Variants in CRACD observed in about 807,000 individuals in gnomAD.
The protein encoded by CRACD is capping protein-inhibiting regulator of actin dynamics.
In CRACD, 56 loss-of-function variants were observed where a neutral mutation model predicts 106.8. The ratio of observed to expected loss-of-function variants is 0.52; its 90% CI spans 0.42 to 0.66. The LOEUF (loss-of-function observed/expected upper bound fraction) is 0.66. Ranked by LOEUF, CRACD falls within the 30% of genes least tolerant of loss-of-function variation. The probability of loss-of-function intolerance (pLI) is 0.00; values close to 1 mark genes in which losing one functional copy is unlikely to be tolerated. For missense variants in CRACD, 1,730 were observed against 1,623.2 expected, an observed-to-expected ratio of 1.07 and a Z score of -1.13; for synonymous variants, 754 against 670.8, an observed-to-expected ratio of 1.12 and a Z score of -1.92.
Position 56,176,647 on chromosome 4 carries a change from G to A in CRACD, c.-335-2637G>A, listed in dbSNP as rs1285642851. 2.6e-5 allele frequency among the ~76,000 whole-genome samples: 4 copies of A among 152,026 alleles called. No individual in the cohort carries two copies. In the East Asian group the frequency reaches 7.7e-4, roughly 29 times the overall value. On this transcript the variant is annotated intron_variant, in intron 1 of 10. Coordinates refer to ENST00000682029, the MANE Select transcript of CRACD (RefSeq NM_001393381.1). ...AGATGGGGTTTCACTGTGTTAGCCA[G>A]GATGGTCTCGATCTCCTGACCTTGT...
At position 56,089,428 on chromosome 4, in the gene CRACD, G is replaced by C. The variant is rs149893954; in HGVS notation, c.-336+40129G>C. Among the ~76,000 whole-genome samples, 140 of 152,202 alleles carry C rather than the reference G, an allele frequency of 9.2e-4. 2 individuals carry two copies. The highest frequency in any genetic ancestry group is 3.2e-3 in the African/African-American group (134 of 41,536). On this transcript the variant is annotated intron_variant, in intron 1 of 10. Coordinates refer to ENST00000682029, the MANE Select transcript of CRACD (RefSeq NM_001393381.1). The stretch of plus-strand genomic sequence containing the variant: ...GTCTACTGTTAAGTTGCCGCCTACG[G>C]CATTGCTTCCTGTGGGGAACCTAGC...
chr4:56,295,397 C>G (rs1487395636), intron 3 of CRACD, among the ~76,000 whole-genome samples: 1 of 151,966 alleles, frequency 6.6e-6, no homozygotes, highest in Non-Finnish European at 1.5e-5. Context: ...ATTACTACTA[C>G]TGCTATTATT....
chr4:56,275,528 G>A (rs1742627298), intron 3 of CRACD, among the ~76,000 whole-genome samples: 1 of 152,152 alleles, frequency 6.6e-6, no homozygotes, highest in South Asian at 2.1e-4. Context: ...ATTGACAATT[G>A]CAAAGTAATT....
At chr4:56,228,762 G>A (rs935828120) in intron 2 of CRACD, among the ~76,000 whole-genome samples, 28 of 152,142 alleles carry the variant, frequency 1.8e-4, no homozygotes, top group Non-Finnish European at 2.9e-4. Flanking sequence ...AGGTTGTGGA[G>A]TTTTATCAAG....
chr4:56,315,697 GC>G lies in CRACD; in HGVS notation c.2196del (p.Thr733ArgfsTer96). ...MPAWQKFSDG[G>X]TETSKQSTEA... The stretch of plus-strand genomic sequence containing the variant: ...GCCTGGCAGAAATTTTCCGATGGTG[GC>G]ACGGAGACCTCCAAACAGAGCACGG... On this transcript the variant is annotated frameshift_variant, in exon 8 of 11. Transcript: ENST00000682029. LOFTEE classifies it high-confidence loss of function. The surrounding 1 kb of genome is among the most constrained non-coding windows in gnomAD (Gnocchi z 4.1). 6.2e-7 allele frequency: 1 copy of G among 1,614,186 alleles called. No homozygotes were observed. Among genetic ancestry groups the G allele is most frequent in the South Asian group, 1.1e-5 (1 of 91,082 alleles).
At chr4:56,062,320 T>A (rs1207293463) in intron 1 of CRACD, among the ~76,000 whole-genome samples, 1 of 152,238 alleles carries the variant, frequency 6.6e-6, no homozygotes. Flanking sequence ...ATGATTTTTT[T>A]AAGAAGAATC....
intron 1 of CRACD, among the ~76,000 whole-genome samples, chr4:56,083,812 C>A (rs1293354903): frequency 1.3e-5 from 2 of 151,842 alleles, no homozygotes; most frequent in Non-Finnish European, 2.9e-5. Flanking sequence ...CCCATCTCTA[C>A]AAAAAACAGA....
At chr4:56,255,853 T>C (rs149470791) in intron 2 of CRACD, among the ~76,000 whole-genome samples, 1 of 152,360 alleles carries the variant, frequency 6.6e-6, no homozygotes, top group Non-Finnish European at 1.5e-5. Context: ...TTGGCCCATT[T>C]ACCTTGTAAC....
At chr4:56,086,750 G>A (rs996693365) in intron 1 of CRACD, among the ~76,000 whole-genome samples, 2 of 152,120 alleles carry the variant, frequency 1.3e-5, no homozygotes, top group African/African-American at 4.8e-5. Flanking sequence ...CATGGAGGCT[G>A]TTGGCTGGTG....
At chr4:56,326,997 C>T (rs1746491824) in intron 10 of CRACD, among the ~76,000 whole-genome samples, 1 of 152,144 alleles carries the variant, frequency 6.6e-6, no homozygotes, top group Non-Finnish European at 1.5e-5. Flanking sequence ...TCCTTGACCT[C>T]CCAAAGTGCT....
chr4:56,265,423 T>A (rs1327744101), intron 2 of CRACD, among the ~76,000 whole-genome samples: 2 of 151,640 alleles, frequency 1.3e-5, no homozygotes, highest in Non-Finnish European at 2.9e-5. Flanking sequence ...TGTGTGTGTG[T>A]GTGTGTGTGT....
At chr4:56,119,164 C>A (rs1346955196) in intron 1 of CRACD, among the ~76,000 whole-genome samples, 1 of 152,138 alleles carries the variant, frequency 6.6e-6, no homozygotes, top group African/African-American at 2.4e-5. Context: ...CCAAAAAACA[C>A]GGCAGAGTTA....
rs375411840 is a variant in CRACD, at chr4:56,294,942, G to A, written c.-16-3272G>A. Among the ~76,000 whole-genome samples, 384 of 110,852 alleles carry A rather than the reference G, an allele frequency of 3.5e-3. No homozygotes were observed. The Middle Eastern group carries it at 0.035, about 10-fold the overall frequency. 72.7% of individuals were successfully genotyped at this position (110,852 alleles called of 152,430 possible). ...AAAAAAAAAAAAAAAAAAGTAAAAA[G>A]AAAAAAAAGAAAAGAAAAGAAAGAA... On this transcript the variant is annotated intron_variant, in intron 3 of 10. Coordinates refer to ENST00000682029, the MANE Select transcript of CRACD (RefSeq NM_001393381.1).
At chr4:56,168,404 A>T (rs1381492243) in intron 1 of CRACD, among the ~76,000 whole-genome samples, 2 of 152,196 alleles carry the variant, frequency 1.3e-5, no homozygotes, top group East Asian at 3.9e-4. Flanking sequence ...CTTGGACATA[A>T]TATATTATCC....
intron 2 of CRACD, among the ~76,000 whole-genome samples, chr4:56,214,218 C>CATA (rs1298478285): frequency 6.6e-6 from 1 of 151,984 alleles, no homozygotes; most frequent in Non-Finnish European, 1.5e-5. Flanking sequence ...TGTCACTCCA[C>CATA]ATAATGAAAG....
intron 3 of CRACD, among the ~76,000 whole-genome samples, chr4:56,295,703 A>G (rs945132882): frequency 1.2e-5 from 1 of 85,962 alleles, no homozygotes; most frequent in Non-Finnish European, 2.3e-5. Flanking sequence ...ATATATATAT[A>G]TATATATATG....
In CRACD at chr4:56,328,546, A is replaced by T. The variant is rs6811616; in HGVS notation, c.*742A>T. ...TTAATTTAATGTAGTGAAGAAAGAC[A>T]ATTCTAGATCAGAGCTACAAGTTCA... On this transcript the variant is annotated 3_prime_UTR_variant, in exon 11 of 11. Coordinates refer to ENST00000682029, the MANE Select transcript of CRACD (RefSeq NM_001393381.1). 1 of 386,384 alleles carries T rather than the reference A, an allele frequency of 2.6e-6. No homozygotes were observed. Among genetic ancestry groups the T allele is most frequent in the Non-Finnish European group, 5.1e-6 (1 of 196,784 alleles). 23.9% of individuals were successfully genotyped at this position (386,384 alleles called of 1,614,324 possible).
chr4:56,297,719 A>G (rs1245814095), intron 3 of CRACD: 2 of 152,498 alleles, frequency 1.3e-5, no homozygotes, highest in Non-Finnish European at 2.9e-5. Context: ...TTGCTAAAGC[A>G]TTTATTGTCT....
chr4:56,185,525 A>G (rs765113005), intron 2 of CRACD, among the ~76,000 whole-genome samples: 3 of 152,102 alleles, frequency 2.0e-5, no homozygotes, highest in African/African-American at 4.8e-5. Flanking sequence ...TATTTTTTCA[A>G]TCTTCTCCTG....
Sources: allele counts gnomAD v4.1 joint callset (sites outside exome capture counted in the v4.1 genomes callset), GRCh38; gene constraint gnomAD v4.1.1; non-coding constraint Gnocchi (gnomAD v3.1); transcripts MANE v1.5; gene names NCBI Gene and HGNC (gene_info 2026-07-23, HGNC 2026-07-21).